FGGY: variants seen among roughly 807,000 people sequenced by gnomAD.
The protein encoded by FGGY is FGGY carbohydrate kinase domain containing.
FGGY carries 72 observed loss-of-function variants against 71.3 expected under a neutral mutation model. The ratio of observed to expected loss-of-function variants is 1.01; its 90% CI spans 0.84 to 1.23. FGGY has a LOEUF of 1.23. Ranked by LOEUF, FGGY falls within the 50% of genes most tolerant of loss-of-function variation. The pLI is 0.00. For missense variants in FGGY, 668 were observed against 682.3 expected, an observed-to-expected ratio of 0.98 and a Z score of 0.23; for synonymous variants, 251 against 250.3, an observed-to-expected ratio of 1.00 and a Z score of -0.02.
At chr1:59,591,520 G>A (rs770039534) in intron 8 of FGGY, among the ~76,000 whole-genome samples, 17 of 152,116 alleles carry the variant, frequency 1.1e-4, no homozygotes, top group South Asian at 2.1e-4. Context: ...GAGGCATCAC[G>A]CTACCTGACT....
intron 6 of FGGY, among the ~76,000 whole-genome samples, chr1:59,478,037 C>A (rs2093335945): frequency 6.6e-6 from 1 of 152,104 alleles, no homozygotes; most frequent in African/African-American, 2.4e-5. Flanking sequence ...CCATTTACTA[C>A]CTTTGTGACC....
intron 8 of FGGY, among the ~76,000 whole-genome samples, chr1:59,586,264 T>C (rs1332941178): frequency 1.3e-5 from 2 of 152,186 alleles, no homozygotes; most frequent in South Asian, 4.1e-4. Context: ...CCAAGCCAGA[T>C]ATCCAACAAT....
intron 6 of FGGY, among the ~76,000 whole-genome samples, chr1:59,506,723 T>G (rs1017879851): frequency 6.6e-6 from 1 of 152,206 alleles, no homozygotes; most frequent in Middle Eastern, 3.4e-3. Flanking sequence ...CGCTTGAACC[T>G]GGGAGGCAGA....
chr1:59,471,106 T>C (rs766957818), intron 6 of FGGY, among the ~76,000 whole-genome samples: 2 of 152,216 alleles, frequency 1.3e-5, no homozygotes, highest in African/African-American at 2.4e-5. Flanking sequence ...TCTCAAATTG[T>C]AATCCACACA....
chr1:59,372,638 A>C (rs2057884323), intron 4 of FGGY, among the ~76,000 whole-genome samples: 2 of 152,240 alleles, frequency 1.3e-5, no homozygotes, highest in Admixed American at 1.3e-4. Flanking sequence ...ATCCTTGATG[A>C]ACATTGATGC....
At chr1:59,736,574 C>T (rs568446392) in intron 14 of FGGY, among the ~76,000 whole-genome samples, 9 of 152,238 alleles carry the variant, frequency 5.9e-5, no homozygotes, top group East Asian at 3.9e-4. Flanking sequence ...AAGAGACTAG[C>T]GGCATTTTGC....
intron 7 of FGGY, among the ~76,000 whole-genome samples, chr1:59,518,978 C>T (rs767944142): frequency 1.3e-5 from 2 of 152,230 alleles, no homozygotes; most frequent in African/African-American, 2.4e-5. Flanking sequence ...TCATTTTGCA[C>T]AGCAAACAGC....
intron 4 of FGGY, among the ~76,000 whole-genome samples, chr1:59,376,002 C>A (rs2058607029): frequency 6.7e-6 from 1 of 148,676 alleles, no homozygotes; most frequent in Non-Finnish European, 1.5e-5. Context: ...ATTTCTGGAA[C>A]CTTTAGAAAG....
intron 5 of FGGY, among the ~76,000 whole-genome samples, chr1:59,429,194 G>A (rs137956892): frequency 7.2e-5 from 11 of 151,824 alleles, no homozygotes; most frequent in African/African-American, 2.7e-4. Flanking sequence ...GGGAGTTGAC[G>A]TTTAGCAAAG....
At chr1:59,345,887 T>C (rs2051773668) in intron 3 of FGGY, among the ~76,000 whole-genome samples, 1 of 152,220 alleles carries the variant, frequency 6.6e-6, no homozygotes, top group African/African-American at 2.4e-5. Context: ...TCTTATTTCA[T>C]AGACACCTTT....
chr1:59,638,522 C>T, intron 11 of FGGY, 147 bp downstream of exon 11: 1 of 896,692 alleles, frequency 1.1e-6, no homozygotes, highest in East Asian at 2.6e-5. Context: ...GCTGTTGCTG[C>T]TCCCTGGGAT....
chr1:59,612,894 C>A (rs1165879443), intron 9 of FGGY, among the ~76,000 whole-genome samples: 2 of 152,018 alleles, frequency 1.3e-5, no homozygotes, highest in African/African-American at 4.8e-5. Flanking sequence ...TCAAAAGAGA[C>A]AAAGAAGGCC....
chr1:59,491,049 T>TTCCTTTCCTTTCCTTCCCTCCCTC (rs1570024110), intron 6 of FGGY, among the ~76,000 whole-genome samples: 2 of 1,620 alleles, frequency 1.2e-3, no homozygotes, highest in Non-Finnish European at 1.9e-3. Flanking sequence ...CTTCCTTCCT[T>TTCCTTTCCTTTCCTTCCCTCCCTC]CCTTCCTTCC....
intron 6 of FGGY, among the ~76,000 whole-genome samples, chr1:59,459,000 G>A (rs1022890433): frequency 1.2e-4 from 18 of 152,252 alleles, no homozygotes; most frequent in Admixed American, 9.2e-4. Context: ...CTCATTGCCC[G>A]TCAAGATGTG....
chr1:59,430,767 G>T (rs1330125801), intron 5 of FGGY, among the ~76,000 whole-genome samples: 2 of 152,040 alleles, frequency 1.3e-5, no homozygotes, highest in Non-Finnish European at 2.9e-5. Flanking sequence ...AAAATGTCAT[G>T]CCTTCCCATG....
chr1:59,551,086 A>G (rs2095601095), intron 7 of FGGY, among the ~76,000 whole-genome samples: 1 of 152,170 alleles, frequency 6.6e-6, no homozygotes, highest in African/African-American at 2.4e-5. Flanking sequence ...GGGGGTTCAG[A>G]TGATGATGAT....
At chr1:59,631,206 T>C (rs763225483) in intron 10 of FGGY, among the ~76,000 whole-genome samples, 3 of 152,226 alleles carry the variant, frequency 2.0e-5, no homozygotes, top group Non-Finnish European at 4.4e-5. Flanking sequence ...ACCACTTTTC[T>C]TGAGTTTATA....
At chr1:59,539,923 C>G (rs1353537621) in intron 7 of FGGY, among the ~76,000 whole-genome samples, 1 of 152,122 alleles carries the variant, frequency 6.6e-6, no homozygotes, top group Non-Finnish European at 1.5e-5. Context: ...TTTGACAGAA[C>G]AATGGTTAAA....
At chr1:59,343,832 G>T (rs556887995) in intron 3 of FGGY, among the ~76,000 whole-genome samples, 1 of 152,274 alleles carries the variant, frequency 6.6e-6, no homozygotes, top group South Asian at 2.1e-4. Flanking sequence ...TGTAGAGGCA[G>T]TAGTAGCTGA....
Sources: gnomAD v4.1 joint callset for allele counts (sites outside exome capture counted in the v4.1 genomes callset) on GRCh38, gnomAD v4.1.1 for gene constraint, MANE v1.5 for transcripts, NCBI Gene and HGNC (gene_info 2026-07-23, HGNC 2026-07-21) for gene names.